The following LPAR2 variants were observed in gnomAD, a reference collection of about 807,000 sequenced individuals.
The protein encoded by LPAR2 is lysophosphatidic acid receptor 2, also known as G protein-coupled receptor.
LPAR2 carries 10 observed loss-of-function variants against 15.6 expected under a neutral mutation model. The ratio of observed to expected loss-of-function variants is 0.64; its 90% CI spans 0.39 to 1.09. The LOEUF (loss-of-function observed/expected upper bound fraction) is 1.09. LPAR2 is among the 50% of genes least tolerant of loss of function. The pLI is 0.01. For missense variants in LPAR2, 413 were observed against 484.6 expected (o/e 0.85, Z 1.39); for synonymous variants, 204 against 207.4 (o/e 0.98, Z 0.14).
In LPAR2 at chr19:19,626,546, G is replaced by C; in HGVS notation, c.739C>G (p.Leu247Val). ...GCCCCCTGGGGGCCCCACTTACCCA[G>C]GATGATGACAACAGTCTTGACCAGG... Residue 247 changes from leucine (L) to valine (V), a missense_variant, in exon 2 of 3, where the codon CTG becomes GTG. Physicochemically the swap from Leu to Val is conservative, Grantham distance 32. Transcript: ENST00000407877. The surrounding 1 kb of genome is among the most constrained non-coding windows in gnomAD (Gnocchi z 5.3). 1 of 1,596,198 alleles carries C rather than the reference G, an allele frequency of 6.3e-7. No homozygotes were observed. Among genetic ancestry groups the C allele is most frequent in the African/African-American group, 1.3e-5 (1 of 74,724 alleles).
Position 19,627,380 on chromosome 19 carries a change from G to T in LPAR2, c.1-96C>A. The stretch of plus-strand genomic sequence containing the variant: ...GAGGGTCAGCGCAGGAAGGACAAGG[G>T]TCTCAAATTCAGATACCTCGAAGCA... On this transcript the variant is annotated intron_variant, in intron 1 of 2. Transcript: ENST00000407877. The surrounding 1 kb of genome is among the most constrained non-coding windows in gnomAD (Gnocchi z 4.7). The T allele has an allele frequency of 5.4e-6, 7 of 1,304,414 alleles. No homozygotes were observed. Among genetic ancestry groups the T allele is most frequent in the East Asian group, 2.3e-5 (1 of 43,310 alleles). 80.8% of individuals were successfully genotyped at this position (1,304,414 alleles called of 1,614,324 possible). A position where few individuals can be genotyped will look rare whatever the true frequency, so the allele number is the denominator to read the frequency against.
chr19:19,627,116 T>A lies in LPAR2; in HGVS notation c.169A>T (p.Ile57Phe). 6.2e-7 allele frequency: 1 copy of A among 1,612,282 alleles called. No homozygotes were observed. The highest frequency in any genetic ancestry group is 1.7e-5 in the Admixed American group (1 of 59,872). Residue 57 changes from isoleucine (I) to phenylalanine (F), a missense_variant, in exon 2 of 3, where the codon ATC becomes TTC. Transcript: ENST00000407877. The surrounding 1 kb of genome is among the most constrained non-coding windows in gnomAD (Gnocchi z 4.7). ...TGGTGGAAGCGGCGGTTGGAGGCGA[T>A]GGCTGCTATGACCAGCAGATTGGTC... is the stretch of plus-strand genomic sequence containing the variant.
In LPAR2 at chr19:19,624,267, A is replaced by G. The variant is rs774643856; in HGVS notation, c.1045T>C (p.Ser349Pro). Reference sequence around the variant, plus strand: ...GAAGTTCAAGGTAGCTAAAGGGTGGAGTCCATCAGTGGGTGGCCGTTCTCG... The same window carrying G: ...GAAGTTCAAGGTAGCTAAAGGGTGGGGTCCATCAGTGGGTGGCCGTTCTCG... Residue 349 changes from serine to proline, a missense_variant, in exon 3 of 3, where the codon TCC (serine) becomes CCC (proline). Coordinates refer to ENST00000407877, the MANE Select transcript of LPAR2 (RefSeq NM_004720.7). The G allele has an allele frequency of 1.9e-6, 3 of 1,605,462 alleles. No individual in the cohort carries two copies. The highest frequency in any genetic ancestry group is 8.5e-7 in the Non-Finnish European group (1 of 1,173,126).
chr19:19,625,242 G>A (rs533363653), intron 2 of LPAR2, among the ~76,000 whole-genome samples: 44 of 152,226 alleles, frequency 2.9e-4, no homozygotes, highest in Middle Eastern at 3.4e-3. Flanking sequence ...GCTGAGGCAG[G>A]ACAATCACTT....
chr19:19,627,117 G>A lies in LPAR2; in HGVS notation c.168C>T (p.Ala56=), dbSNP rs2061745676. 5 of 1,612,324 alleles carry A rather than the reference G, an allele frequency of 3.1e-6. No homozygotes were observed. The highest frequency in any genetic ancestry group is 3.4e-6 in the Non-Finnish European group (4 of 1,179,380). The change falls in exon 2 of 3, where the codon GCC becomes GCT. Residue 56 remains alanine, a synonymous_variant. Transcript: ENST00000407877. This position sits in a 1 kb window ranked among gnomAD's most constrained non-coding sequence, Gnocchi z 4.7. ...GGTGGAAGCGGCGGTTGGAGGCGAT[G>A]GCTGCTATGACCAGCAGATTGGTCA...
rs771316310 is a variant in LPAR2, at chr19:19,626,880, G to C, written c.405C>G (p.Ala135=). Residue 135 remains alanine (A), a synonymous_variant, in exon 2 of 3, where the codon GCC becomes GCG. Coordinates refer to ENST00000407877, the MANE Select transcript of LPAR2 (RefSeq NM_004720.7). The surrounding 1 kb of genome is among the most constrained non-coding windows in gnomAD (Gnocchi z 5.3). ...GGGGCAGGCGGCTGTGCAGCTGCAC[G>C]GCCATCACACTGCGGTGCCGCTCCA... 5.6e-5 allele frequency: 89 copies of C among 1,596,348 alleles called. No individual in the cohort carries two copies. The Admixed American group carries it at 7.0e-4, about 13-fold the overall frequency.
chr19:19,627,184 A>T lies in LPAR2; in HGVS notation c.101T>A (p.Val34Asp), dbSNP rs1051879166. ...GACGGTCAGCCCCAGTGCCACCACG[A>T]CCACATCCTTGGGCCGCCAGTGGGA... Residue 34 changes from valine to aspartate, a missense_variant, in exon 2 of 3, where the codon GTC (valine) becomes GAC (aspartate). Transcript: ENST00000407877. The surrounding 1 kb of genome is among the most constrained non-coding windows in gnomAD (Gnocchi z 4.7). 6.2e-7 allele frequency: 1 copy of T among 1,613,188 alleles called. No individual in the cohort carries two copies. The highest frequency in any genetic ancestry group is 8.5e-7 in the Non-Finnish European group (1 of 1,180,020).
Position 19,624,150 on chromosome 19 carries a change from C to T in LPAR2, c.*106G>A. On this transcript the variant is annotated 3_prime_UTR_variant, in exon 3 of 3. Transcript: ENST00000407877. ...GGTGCTGTGCCATGCCAGACCTTGT[C>T]CTGCCAGTCAGTCAGTCCTGTTGGT... 1 of 1,183,840 alleles carries T rather than the reference C, an allele frequency of 8.4e-7. No individual in the cohort carries two copies. Among genetic ancestry groups the T allele is most frequent in the East Asian group, 2.4e-5 (1 of 42,444 alleles). 73.3% of individuals were successfully genotyped at this position (1,183,840 alleles called of 1,614,324 possible). A position where few individuals can be genotyped will look rare whatever the true frequency, so the allele number is the denominator to read the frequency against.
In LPAR2 at chr19:19,627,796, G is replaced by C. The variant is rs1301795994; in HGVS notation, c.-1+296C>G. The C allele has an allele frequency of 6.1e-6, 1 of 162,650 alleles. No homozygotes were observed. Among genetic ancestry groups the C allele is most frequent in the African/African-American group, 2.4e-5 (1 of 41,504 alleles). 10.1% of individuals were successfully genotyped at this position (162,650 alleles called of 1,614,324 possible). A position where few individuals can be genotyped will look rare whatever the true frequency, so the allele number is the denominator to read the frequency against. ...GCGGTGCCGAGGCGTGGAGGTGATC[G>C]GAGTGGACAGAGAGGCGGCCCCAGA... is the stretch of plus-strand genomic sequence containing the variant. On this transcript the variant is annotated intron_variant, in intron 1 of 2. Coordinates refer to ENST00000407877, the MANE Select transcript of LPAR2 (RefSeq NM_004720.7). This position sits in a 1 kb window ranked among gnomAD's most constrained non-coding sequence, Gnocchi z 4.7.
intron 2 of LPAR2, 71 bp from the exon 3 acceptor site, chr19:19,624,640 G>A: frequency 7.6e-7 from 1 of 1,320,398 alleles, no homozygotes; most frequent in Non-Finnish European, 1.1e-6. Flanking sequence ...TCAGTTTGGG[G>A]TTGGAGTGGT....
Position 19,625,066 on chromosome 19 carries a change from C to T in LPAR2, c.743-497G>A, listed in dbSNP as rs528154599. On this transcript the variant is annotated intron_variant, in intron 2 of 2. Coordinates refer to ENST00000407877, the MANE Select transcript of LPAR2 (RefSeq NM_004720.7). The stretch of plus-strand genomic sequence containing the variant: ...CGATCTCCTGACCTCGTGATCCGCC[C>T]GCCTCAGCCTCCCGAAGTGTTGGGA... Among the ~76,000 whole-genome samples the T allele has an allele frequency of 1.8e-4, 28 of 151,908 alleles. 1 individual carries two copies. Among genetic ancestry groups the T allele is most frequent in the Admixed American group, 1.3e-3 (20 of 15,256 alleles).
chr19:19,627,478 C>T lies in LPAR2; in HGVS notation c.1-194G>A. 1 of 597,482 alleles carries T rather than the reference C, an allele frequency of 1.7e-6. No individual in the cohort carries two copies. The highest frequency in any genetic ancestry group is 2.8e-5 in the East Asian group (1 of 36,132). The allele number at this position is 597,482 out of a possible 1,614,324, so 37.0% of individuals were successfully genotyped here. On this transcript the variant is annotated intron_variant, in intron 1 of 2. Transcript: ENST00000407877. This position sits in a 1 kb window ranked among gnomAD's most constrained non-coding sequence, Gnocchi z 4.7. ...TGGGGCTGGGGTGGAGGTGGAGGAG[C>T]AGCTGTTTCTTACCTACTAATAAGA...
chr19:19,626,508 C>T lies in LPAR2; in HGVS notation c.742+35G>A, dbSNP rs757636645. The stretch of plus-strand genomic sequence containing the variant: ...GTGTCTTGTGGGAGATAGGGGGAAG[C>T]AGGGTCCCTGTTGCCCCCTGGGGGC... On this transcript the variant is annotated intron_variant, in intron 2 of 2. Transcript: ENST00000407877. The surrounding 1 kb of genome is among the most constrained non-coding windows in gnomAD (Gnocchi z 5.3). The T allele has an allele frequency of 3.9e-6, 6 of 1,553,974 alleles. No individual in the cohort carries two copies. In the East Asian group the frequency reaches 6.8e-5, roughly 17 times the overall value.
rs2061727680 is a variant in LPAR2, at chr19:19,624,091, G to A, written c.*165C>T. On this transcript the variant is annotated 3_prime_UTR_variant, in exon 3 of 3. Coordinates refer to ENST00000407877, the MANE Select transcript of LPAR2 (RefSeq NM_004720.7). ...AGATGACCCAAAGCCCCCATTCCCT[G>A]GGCAGAGTGGTGTGCCTGGGGAGGC... 2 of 710,790 alleles carry A rather than the reference G, an allele frequency of 2.8e-6. No homozygotes were observed. Among genetic ancestry groups the A allele is most frequent in the East Asian group, 2.5e-5 (1 of 40,220 alleles). The allele number at this position is 710,790 out of a possible 1,614,324, so 44.0% of individuals were successfully genotyped here.
chr19:19,625,405 C>T (rs2061734868), intron 2 of LPAR2, among the ~76,000 whole-genome samples: 1 of 151,636 alleles, frequency 6.6e-6, no homozygotes, highest in African/African-American at 2.4e-5. Flanking sequence ...AAGGTTGAGG[C>T]TGCAGTGAGC....
At position 19,626,823 on chromosome 19, in the gene LPAR2, C is replaced by A; in HGVS notation, c.462G>T (p.Val154=). Residue 154 remains valine (V), a synonymous_variant, in exon 2 of 3, where the codon GTG becomes GTT. Coordinates refer to ENST00000407877, the MANE Select transcript of LPAR2 (RefSeq NM_004720.7). The surrounding 1 kb of genome is among the most constrained non-coding windows in gnomAD (Gnocchi z 5.3). ...GCCCCAGGCCCAGGGCAGCCACCCA[C>A]ACGCCCACAATGAGCATGACCACGC... The A allele has an allele frequency of 6.3e-7, 1 of 1,596,564 alleles. No individual in the cohort carries two copies. The highest frequency in any genetic ancestry group is 8.5e-7 in the Non-Finnish European group (1 of 1,172,202).
At position 19,624,289 on chromosome 19, in the gene LPAR2, C is replaced by T; in HGVS notation, c.1023G>A (p.Glu341=). The T allele has an allele frequency of 6.2e-7, 1 of 1,610,318 alleles. No individual in the cohort carries two copies. ...TGGAGTCCATCAGTGGGTGGCCGTT[C>T]TCGGGAAGCATGATGCGAGTGCTGG... Residue 341 remains glutamate (E), a synonymous_variant, in exon 3 of 3, where the codon GAG becomes GAA. Coordinates refer to ENST00000407877, the MANE Select transcript of LPAR2 (RefSeq NM_004720.7).
At chr19:19,624,849 C>G (rs559138551) in intron 2 of LPAR2, among the ~76,000 whole-genome samples, 1 of 150,838 alleles carries the variant, frequency 6.6e-6, no homozygotes, top group African/African-American at 2.4e-5. Context: ...GAGTCTCGCT[C>G]TGTCGCCAGG....
At chr19:19,625,549 C>A (rs1270672967) in intron 2 of LPAR2, among the ~76,000 whole-genome samples, 1 of 151,792 alleles carries the variant, frequency 6.6e-6, no homozygotes. Flanking sequence ...CTTTGGGAGG[C>A]CAAGGCGGGT....
Sources: allele counts gnomAD v4.1 joint callset (sites outside exome capture counted in the v4.1 genomes callset), GRCh38; gene constraint gnomAD v4.1.1; non-coding constraint Gnocchi (gnomAD v3.1); transcripts MANE v1.5; gene names NCBI Gene and HGNC (gene_info 2026-07-23, HGNC 2026-07-21).